Variants in DPH6 observed in about 807,000 individuals in gnomAD.
DPH6 encodes the protein diphthine--ammonia ligase.
DPH6 carries 33 observed loss-of-function variants against 38.2 expected under a neutral mutation model. The observed-to-expected ratio is 0.86, with a 90% CI of 0.65 to 1.15. The LOEUF (loss-of-function observed/expected upper bound fraction) is 1.15, where lower values mean the gene tolerates loss of function less well. Ranked by LOEUF, DPH6 falls within the 50% of genes most tolerant of loss-of-function variation. The pLI is 0.00. For missense variants in DPH6, 325 were observed against 320.0 expected (o/e 1.02, Z -0.12); for synonymous variants, 108 against 103.0 (o/e 1.05, Z -0.30).
At chr15:35,420,998 A>G (rs1297310822) in intron 5 of DPH6, among the ~76,000 whole-genome samples, 2 of 152,218 alleles carry the variant, frequency 1.3e-5, no homozygotes, top group African/African-American at 4.8e-5. Context: ...AACAACAGTT[A>G]AATACAGTTA....
At chr15:35,519,040 T>A (rs964805903) in intron 3 of DPH6, 1 of 151,864 alleles carries the variant, frequency 6.6e-6, no homozygotes, top group African/African-American at 2.4e-5. Flanking sequence ...CAAAATAAAC[T>A]TAATCCATAA....
intron 3 of DPH6, among the ~76,000 whole-genome samples, chr15:35,523,790 T>G (rs969787825): frequency 1.3e-5 from 2 of 152,088 alleles, no homozygotes; most frequent in Admixed American, 6.6e-5. Flanking sequence ...ATCAAGAATT[T>G]AATTAAAATG....
chr15:35,320,458 G>C (rs886542460), intron 3 of DPH6, among the ~76,000 whole-genome samples: 32 of 152,164 alleles, frequency 2.1e-4, no homozygotes, highest in African/African-American at 7.7e-4. Context: ...GGCTCCTTTG[G>C]GAATCTCCCA....
intron 3 of DPH6, among the ~76,000 whole-genome samples, chr15:35,320,496 G>A (rs1297107899): frequency 6.6e-6 from 1 of 152,190 alleles, no homozygotes; most frequent in Non-Finnish European, 1.5e-5. Flanking sequence ...TATATTTGTG[G>A]CTTTATCCCG....
intron 3 of DPH6, among the ~76,000 whole-genome samples, chr15:35,317,871 C>T (rs1358449345): frequency 2.6e-5 from 4 of 151,600 alleles, no homozygotes; most frequent in Non-Finnish European, 5.9e-5. Flanking sequence ...TAAGTCCAGG[C>T]AATATATTGT....
intron 3 of DPH6, among the ~76,000 whole-genome samples, chr15:35,467,970 T>C (rs1477234854): frequency 6.6e-6 from 1 of 152,238 alleles, no homozygotes; most frequent in Non-Finnish European, 1.5e-5. Context: ...GGAAACACCG[T>C]ATACATGGTC....
chr15:35,542,424 G>A lies in DPH6; in HGVS notation c.107C>T (p.Ala36Val). ...QIVALANLRP[A>V]ENQVGSDELD... ...AGGCATGTACTTACCTTGGTTTTCA[G>A]CTGGTCTTAGATTTGCTAAAGCAAC... Residue 36 changes from alanine to valine, a missense_variant, in exon 2 of 9, where the codon GCT becomes GTT. Physicochemically the swap from Ala to Val is moderately conservative, Grantham distance 64. Coordinates refer to ENST00000256538, the MANE Select transcript of DPH6 (RefSeq NM_080650.4). 1 of 1,566,254 alleles carries A rather than the reference G, an allele frequency of 6.4e-7. No homozygotes were observed. Among genetic ancestry groups the A allele is most frequent in the Non-Finnish European group, 8.7e-7 (1 of 1,143,576 alleles).
chr15:35,494,836 C>T (rs1487144182), intron 3 of DPH6, among the ~76,000 whole-genome samples: 1 of 151,328 alleles, frequency 6.6e-6, no homozygotes, highest in African/African-American at 2.4e-5. Flanking sequence ...AATGAGTTAC[C>T]TCAATTTGGA....
chr15:35,480,615 C>A (rs962954203), intron 3 of DPH6, among the ~76,000 whole-genome samples: 1 of 151,938 alleles, frequency 6.6e-6, no homozygotes, highest in Non-Finnish European at 1.5e-5. Flanking sequence ...CTATTTTAAA[C>A]AAGCTCAATA....
the DPH6 span, among the ~76,000 whole-genome samples, chr15:35,154,461 A>T: frequency 2.6e-5 from 4 of 152,192 alleles, no homozygotes; most frequent in Non-Finnish European, 5.9e-5. Flanking sequence ...TTCATTATGC[A>T]TGTAGCCCTG....
At chr15:35,541,639 T>C (rs1039194338) in intron 2 of DPH6, among the ~76,000 whole-genome samples, 1 of 152,122 alleles carries the variant, frequency 6.6e-6, no homozygotes, top group African/African-American at 2.4e-5. Flanking sequence ...AAGATCTTAC[T>C]AGAAAAGTCC....
chr15:35,369,845 GT>G (rs968405685), downstream of DPH6, among the ~76,000 whole-genome samples: 2 of 151,650 alleles, frequency 1.3e-5, no homozygotes, highest in African/African-American at 4.8e-5. Context: ...ATCCAAGCAA[GT>G]TTTTTTGTGG....
At chr15:35,314,096 T>C (rs901703875) in intron 3 of DPH6, among the ~76,000 whole-genome samples, 1 of 126,468 alleles carries the variant, frequency 7.9e-6, no homozygotes, top group Middle Eastern at 4.2e-3. Context: ...AACAACTCAA[T>C]AGCAAAAAAA....
At chr15:35,310,518 C>T (rs167612) in intron 3 of DPH6, among the ~76,000 whole-genome samples, 148,982 of 152,168 alleles carry the variant, frequency 0.98, 73,003 homozygotes, top group East Asian at 1. Context: ...CAATTATGAA[C>T]GTGAAGAAGG....
intron 3 of DPH6, among the ~76,000 whole-genome samples, chr15:35,305,700 A>G (rs187839472): frequency 3.7e-4 from 57 of 152,332 alleles, no homozygotes; most frequent in African/African-American, 1.2e-3. Context: ...TATCTCTAAT[A>G]AAGATCAGTT....
At chr15:35,351,256 T>C (rs2052507976) in intron 3 of DPH6, among the ~76,000 whole-genome samples, 1 of 152,198 alleles carries the variant, frequency 6.6e-6, no homozygotes, top group Non-Finnish European at 1.5e-5. Flanking sequence ...TGACATTTAT[T>C]TCTCATCCTT....
At chr15:35,180,783 T>C in the DPH6 span, among the ~76,000 whole-genome samples, 2 of 152,162 alleles carry the variant, frequency 1.3e-5, no homozygotes, top group Non-Finnish European at 2.9e-5. Flanking sequence ...CCACCATGCC[T>C]GCCCTACTTT....
intron 3 of DPH6, among the ~76,000 whole-genome samples, chr15:35,356,189 C>A (rs534026580): frequency 2.0e-5 from 3 of 152,246 alleles, no homozygotes; most frequent in Admixed American, 1.3e-4. Flanking sequence ...GTCATGTAAT[C>A]TTTTCTCAAG....
chr15:35,156,889 T>C, the DPH6 span, among the ~76,000 whole-genome samples: 2 of 152,296 alleles, frequency 1.3e-5, no homozygotes, highest in Middle Eastern at 3.4e-3. Flanking sequence ...TTAGACATTA[T>C]ATCCAGTTTA....
Sources: allele counts gnomAD v4.1 joint callset (sites outside exome capture counted in the v4.1 genomes callset), GRCh38; gene constraint gnomAD v4.1.1; transcripts MANE v1.5; gene names NCBI Gene and HGNC (gene_info 2026-07-23, HGNC 2026-07-21).